The following DLG2 variants were observed in gnomAD, a reference collection of about 807,000 sequenced individuals.
DLG2 encodes disks large homolog 2.
In DLG2, 45 loss-of-function variants were observed where a neutral mutation model predicts 132.5. That is an observed-to-expected ratio of 0.34 (90% CI 0.27 to 0.44). DLG2 has a LOEUF of 0.44. DLG2 is among the 20% of genes least tolerant of loss of function. DLG2 has a pLI of 1.00. For missense variants in DLG2, 1,045 were observed against 1,196.9 expected (o/e 0.87, Z 1.87); for synonymous variants, 424 against 419.6 (o/e 1.01, Z -0.13).
At chr11:84,026,058 G>A (rs2095527976) in intron 11 of DLG2, among the ~76,000 whole-genome samples, 1 of 152,076 alleles carries the variant, frequency 6.6e-6, no homozygotes, top group Non-Finnish European at 1.5e-5. Flanking sequence ...TGAGGGATGA[G>A]GTGCATAGAT....
chr11:83,488,233 C>T (rs1864774), intron 21 of DLG2, among the ~76,000 whole-genome samples: 94,005 of 151,718 alleles, frequency 0.62, 29,767 homozygotes, highest in African/African-American at 0.74. Flanking sequence ...TTCCAACCCT[C>T]GCAATCAATT....
rs182644009 is a variant in DLG2 at position 85,405,249 on chromosome 11, G to A, written c.41-119884C>T. The stretch of plus-strand genomic sequence containing the variant: ...ATTTGAATAGAATATTCAACATTTT[G>A]TGGCTCAGTGAGCCTAACTTGTATG... On this transcript the variant is annotated intron_variant, in intron 3 of 27. Transcript: ENST00000376104. Among the ~76,000 whole-genome samples, 3 of 152,066 alleles carry A rather than the reference G, an allele frequency of 2.0e-5. No homozygotes were observed. The East Asian group carries it at 5.8e-4, about 30-fold the overall frequency.
At chr11:83,471,979 TGGA>T (rs59286667) in intron 23 of DLG2, among the ~76,000 whole-genome samples, 2 of 151,932 alleles carry the variant, frequency 1.3e-5, no homozygotes, top group Non-Finnish European at 2.9e-5. Context: ...AAGAAACATT[TGGA>T]GGAGTTTTGC....
At chr11:84,779,752 C>T (rs1162200717) in intron 6 of DLG2, among the ~76,000 whole-genome samples, 1 of 152,070 alleles carries the variant, frequency 6.6e-6, no homozygotes, top group Non-Finnish European at 1.5e-5. Context: ...TGAACAACTA[C>T]ATGCTCATAA....
chr11:85,529,566 CCTTAG>C (rs2075042748), intron 3 of DLG2, among the ~76,000 whole-genome samples: 1 of 152,006 alleles, frequency 6.6e-6, no homozygotes, highest in African/African-American at 2.4e-5. Flanking sequence ...AAAAAGTTCC[CCTTAG>C]TTCTAGTATT....
At chr11:85,147,692 A>G (rs1314369984) in intron 5 of DLG2, among the ~76,000 whole-genome samples, 2 of 152,212 alleles carry the variant, frequency 1.3e-5, no homozygotes, top group African/African-American at 4.8e-5. Context: ...TGACTTACCC[A>G]AAGTTATTTA....
intron 7 of DLG2, among the ~76,000 whole-genome samples, chr11:84,405,384 C>G (rs1230352739): frequency 6.6e-6 from 1 of 152,132 alleles, no homozygotes; most frequent in Non-Finnish European, 1.5e-5. Flanking sequence ...CTGACATGCT[C>G]TATGTCTTGG....
At chr11:83,780,513 C>T (rs141249435) in intron 18 of DLG2, among the ~76,000 whole-genome samples, 2 of 152,116 alleles carry the variant, frequency 1.3e-5, no homozygotes, top group Non-Finnish European at 2.9e-5. Flanking sequence ...TATAGTGAAG[C>T]CTTAATGACT....
At chr11:84,948,797 TG>T (rs2050553078) in intron 6 of DLG2, among the ~76,000 whole-genome samples, 1 of 152,206 alleles carries the variant, frequency 6.6e-6, no homozygotes, top group Non-Finnish European at 1.5e-5. Context: ...ACCATGACCT[TG>T]GTAAGTTACA....
At chr11:84,314,282 T>C (rs76186202) in intron 7 of DLG2, among the ~76,000 whole-genome samples, 334 of 152,348 alleles carry the variant, frequency 2.2e-3, no homozygotes, top group African/African-American at 7.5e-3. Flanking sequence ...TTCTAATGTT[T>C]AGTATCATTA....
At chr11:85,562,068 A>G (rs1253519542) in intron 3 of DLG2, among the ~76,000 whole-genome samples, 1 of 151,760 alleles carries the variant, frequency 6.6e-6, no homozygotes, top group Non-Finnish European at 1.5e-5. Flanking sequence ...CTTTCAAAAA[A>G]GCAATACTGT....
intron 6 of DLG2, among the ~76,000 whole-genome samples, chr11:84,931,552 C>A (rs1035958950): frequency 6.6e-6 from 1 of 151,960 alleles, no homozygotes; most frequent in Middle Eastern, 3.2e-3. Context: ...GAAAACATAC[C>A]ACATTTCTGC....
intron 4 of DLG2, among the ~76,000 whole-genome samples, chr11:85,192,172 A>G (rs902102450): frequency 3.3e-5 from 5 of 152,210 alleles, no homozygotes; most frequent in Admixed American, 3.3e-4. Flanking sequence ...ACTTACTAGT[A>G]CCATGACCTT....
At chr11:84,836,167 A>T in intron 6 of DLG2, among the ~76,000 whole-genome samples, 1 of 151,798 alleles carries the variant, frequency 6.6e-6, no homozygotes, top group East Asian at 1.9e-4. Flanking sequence ...GAGAATTGGT[A>T]ATTAATTGTA....
chr11:84,384,651 G>C (rs2098761685), intron 7 of DLG2, among the ~76,000 whole-genome samples: 2 of 151,842 alleles, frequency 1.3e-5, no homozygotes, highest in African/African-American at 2.4e-5. Flanking sequence ...CCAATGACAT[G>C]ATAACTATAT....
chr11:84,418,095 G>C (rs1344974808), intron 7 of DLG2, among the ~76,000 whole-genome samples: 1 of 152,098 alleles, frequency 6.6e-6, no homozygotes, highest in Admixed American at 6.6e-5. Flanking sequence ...TAACCATTTA[G>C]AGCGTAGTGA....
At chr11:85,071,901 C>G (rs1301449873) in intron 6 of DLG2, among the ~76,000 whole-genome samples, 1 of 151,754 alleles carries the variant, frequency 6.6e-6, no homozygotes. Flanking sequence ...TAAAAAGAAG[C>G]AAAAATCATC....
chr11:85,337,579 T>A (rs1053001572), intron 3 of DLG2, among the ~76,000 whole-genome samples: 5 of 152,192 alleles, frequency 3.3e-5, no homozygotes, highest in Admixed American at 2.0e-4. Context: ...ACACAAAAAA[T>A]TCCATCTCTA....
chr11:85,311,758 A>T (rs960276661), intron 3 of DLG2, among the ~76,000 whole-genome samples: 1 of 152,072 alleles, frequency 6.6e-6, no homozygotes, highest in African/African-American at 2.4e-5. Flanking sequence ...GATAGCTCAG[A>T]TCTTTCCAAA....
Sources: gnomAD v4.1 joint callset for allele counts (sites outside exome capture counted in the v4.1 genomes callset) on GRCh38, gnomAD v4.1.1 for gene constraint, MANE v1.5 for transcripts, NCBI Gene and HGNC (gene_info 2026-07-23, HGNC 2026-07-21) for gene names.